The following JMJD1C variants were observed in gnomAD, a reference collection of about 807,000 sequenced individuals.
JMJD1C encodes jumonji domain-containing protein 1C.
A neutral mutation model predicts 245.3 loss-of-function variants in JMJD1C; 31 were observed. That is an observed-to-expected ratio of 0.13 (90% confidence interval 0.09 to 0.17). JMJD1C has a LOEUF of 0.17. JMJD1C is among the 10% of genes least tolerant of loss of function. JMJD1C has a pLI of 1.00. For synonymous variants in JMJD1C, 1,057 were observed against 1,017.4 expected (o/e 1.04, Z -0.74); for missense variants, 2,691 against 3,000.2 (o/e 0.90, Z 2.41).
intron 3 of JMJD1C, among the ~76,000 whole-genome samples, chr10:63,252,593 C>T (rs780998681): frequency 6.6e-6 from 1 of 152,202 alleles, no homozygotes; most frequent in Non-Finnish European, 1.5e-5. Flanking sequence ...AAAATCTCCT[C>T]TTTCTCAATT....
intron 2 of JMJD1C, among the ~76,000 whole-genome samples, chr10:63,283,469 C>T (rs200017895): frequency 2.7e-5 from 4 of 150,780 alleles, no homozygotes; most frequent in East Asian, 2.0e-4. Context: ...CAAGTTTGAA[C>T]GATTCTCCTG....
chr10:63,410,485 C>T (rs1444794949), intron 1 of JMJD1C, among the ~76,000 whole-genome samples: 1 of 152,100 alleles, frequency 6.6e-6, no homozygotes, highest in Non-Finnish European at 1.5e-5. Context: ...GTCAGGACCA[C>T]TGCTAATACC....
intron 2 of JMJD1C, among the ~76,000 whole-genome samples, chr10:63,352,637 C>T (rs1281601996): frequency 1.0e-5 from 1 of 96,780 alleles, no homozygotes; most frequent in Admixed American, 1.1e-4. Context: ...GACTCTGTCT[C>T]AAAAAAAAAA....
At chr10:63,427,607 G>C (rs900022736) in intron 1 of JMJD1C, 38 of 1,398,942 alleles carry the variant, frequency 2.7e-5, no homozygotes, top group Non-Finnish European at 3.7e-5. Context: ...AACCATGCCC[G>C]GCTGATGGTG....
chr10:63,189,021 C>T (rs372464268), intron 18 of JMJD1C, 147 bp downstream of exon 18: 1 of 600,978 alleles, frequency 1.7e-6, no homozygotes, highest in African/African-American at 1.9e-5. Context: ...TTCTGACAAT[C>T]TTTTCGGTAC....
At position 63,419,409 on chromosome 10, in the gene JMJD1C, A is replaced by G. The variant is rs545730827; in HGVS notation, c.169-38927T>C. 3.9e-5 allele frequency among the ~76,000 whole-genome samples: 6 copies of G among 152,214 alleles called. No individual in the cohort carries two copies. The South Asian group carries it at 1.2e-3, about 32-fold the overall frequency. On this transcript the variant is annotated intron_variant, in intron 1 of 25. Transcript: ENST00000399262. ...CTCGAAAAAAAATATATATATAGAT[A>G]AGATATACTTTAAGTTTGGGGGTTT...
intron 2 of JMJD1C, among the ~76,000 whole-genome samples, chr10:63,302,015 T>A (rs1172372739): frequency 6.6e-6 from 1 of 152,170 alleles, no homozygotes; most frequent in African/African-American, 2.4e-5. Flanking sequence ...AAATAATTTA[T>A]TAAACTCTTT....
intron 2 of JMJD1C, among the ~76,000 whole-genome samples, chr10:63,343,441 T>C (rs925657927): frequency 1.3e-5 from 2 of 151,996 alleles, no homozygotes; most frequent in Non-Finnish European, 2.9e-5. Context: ...ATAGCCTAGG[T>C]TGGCTGGTGA....
At position 63,215,561 on chromosome 10, in the gene JMJD1C, C is replaced by T. The variant is rs34798625; in HGVS notation, c.814G>A (p.Ala272Thr). ...RRSRANQNVN[A>T]VHSHYTRAQA... Reference sequence around the variant, plus strand: ...CCTAATAACATACATACGTGAACAGCGTTGACGTTTTGATTGGCACGAGAC... The same window carrying T: ...CCTAATAACATACATACGTGAACAGTGTTGACGTTTTGATTGGCACGAGAC... Residue 272 changes from alanine to threonine, a missense_variant, in exon 6 of 26, where the codon GCT (alanine) becomes ACT (threonine). Coordinates refer to ENST00000399262, the MANE Select transcript of JMJD1C (RefSeq NM_032776.3). 10,192 of 1,608,906 alleles carry T rather than the reference C, an allele frequency of 6.3e-3. 97 individuals are homozygous for T. Among genetic ancestry groups the T allele is most frequent in the African/African-American group, 0.033 (2,489 of 74,894 alleles).
chr10:63,190,039 C>G (rs1395142627), intron 17 of JMJD1C, among the ~76,000 whole-genome samples: 1 of 151,802 alleles, frequency 6.6e-6, no homozygotes, highest in African/African-American at 2.4e-5. Context: ...TACAAGCATG[C>G]ATCACCATGC....
At chr10:63,492,084 T>A (rs1954195872) in intron 1 of JMJD1C, among the ~76,000 whole-genome samples, 1 of 152,208 alleles carries the variant, frequency 6.6e-6, no homozygotes, top group Non-Finnish European at 1.5e-5. Flanking sequence ...TCACCCAGGC[T>A]GGAGTAAAGC....
chr10:63,183,524 T>C lies in JMJD1C; in HGVS notation c.7007A>G (p.His2336Arg). ...KDHDIGTTNLHIEVSDVVNIL... is the reference protein window; with the variant it reads ...KDHDIGTTNLRIEVSDVVNIL... The stretch of plus-strand genomic sequence containing the variant: ...ATTTACAACATCAGAAACTTCAATA[T>C]GGAGATTTGTTGTTCCTATATCATG... Residue 2336 changes from histidine (H) to arginine (R), a missense_variant, in exon 22 of 26, where the codon CAT (histidine) becomes CGT (arginine). Physicochemically the swap from His to Arg is conservative, Grantham distance 29. Around this residue, in one of 9 missense-constraint regions of JMJD1C, gnomAD observed 232 missense variants for 416.1 expected, o/e 0.56. Coordinates refer to ENST00000399262, the MANE Select transcript of JMJD1C (RefSeq NM_032776.3). The C allele has an allele frequency of 6.2e-7, 1 of 1,606,340 alleles. No individual in the cohort carries two copies. The highest frequency in any genetic ancestry group is 8.5e-7 in the Non-Finnish European group (1 of 1,175,022).
chr10:63,506,687 TAC>T (rs746177092), intron 1 of JMJD1C, among the ~76,000 whole-genome samples: 1 of 152,188 alleles, frequency 6.6e-6, no homozygotes, highest in African/African-American at 2.4e-5. Context: ...CGCCTGTCCC[TAC>T]ACAGACACAA....
chr10:63,263,959 TACACACACAC>T (rs746833882), intron 3 of JMJD1C, among the ~76,000 whole-genome samples: 2,709 of 82,974 alleles, frequency 0.033, 56 homozygotes, highest in African/African-American at 0.055. Context: ...AAAATACACA[TACACACACAC>T]ACACACACAC....
intron 3 of JMJD1C, among the ~76,000 whole-genome samples, chr10:63,223,542 A>G (rs753095601): frequency 1.3e-5 from 2 of 151,994 alleles, no homozygotes; most frequent in African/African-American, 2.4e-5. Flanking sequence ...ACTGTTTTAA[A>G]GAAGCATTGC....
chr10:63,367,003 G>C (rs1270190087), intron 2 of JMJD1C, among the ~76,000 whole-genome samples: 1 of 152,116 alleles, frequency 6.6e-6, no homozygotes, highest in African/African-American at 2.4e-5. Flanking sequence ...AAAATAACAG[G>C]CAATAAAGAT....
intron 2 of JMJD1C, among the ~76,000 whole-genome samples, chr10:63,370,206 G>T (rs975324570): frequency 2.0e-5 from 3 of 152,150 alleles, no homozygotes; most frequent in African/African-American, 7.2e-5. Context: ...TAAACTGTAG[G>T]CATGAATGTA....
At chr10:63,293,246 G>A (rs1267289331) in intron 2 of JMJD1C, among the ~76,000 whole-genome samples, 2 of 152,058 alleles carry the variant, frequency 1.3e-5, no homozygotes, top group East Asian at 1.9e-4. Context: ...AACCTTAACT[G>A]AAATAAACCA....
intron 2 of JMJD1C, among the ~76,000 whole-genome samples, chr10:63,367,003 G>A (rs1270190087): frequency 1.3e-5 from 2 of 152,116 alleles, no homozygotes; most frequent in Non-Finnish European, 2.9e-5. Flanking sequence ...AAAATAACAG[G>A]CAATAAAGAT....
Sources: allele counts gnomAD v4.1 joint callset (sites outside exome capture counted in the v4.1 genomes callset), GRCh38; gene constraint gnomAD v4.1.1; regional missense constraint gnomAD v4.1.1; transcripts MANE v1.5; gene names NCBI Gene and HGNC (gene_info 2026-07-23, HGNC 2026-07-21).